The following FHIT variants were observed in gnomAD, a reference collection of about 807,000 sequenced individuals.
FHIT encodes the protein bis(5'-adenosyl)-triphosphatase.
FHIT carries 19 observed loss-of-function variants against 17.9 expected under a neutral mutation model. That is an observed-to-expected ratio of 1.06 (90% CI 0.74 to 1.56). The LOEUF is 1.56. Among genes scored for constraint, FHIT ranks in the 40% most tolerant of loss-of-function variants. The pLI, the probability that FHIT is intolerant of heterozygous loss-of-function variation, is 0.00. For missense variants in FHIT, 248 were observed against 189.2 expected (o/e 1.31, Z -1.82); for synonymous variants, 81 against 69.7 (o/e 1.16, Z -0.81).
intron 3 of FHIT, among the ~76,000 whole-genome samples, chr3:60,914,397 G>A (rs1161646646): frequency 2.0e-5 from 3 of 151,938 alleles, no homozygotes; most frequent in East Asian, 1.9e-4. Context: ...TTAATTAATC[G>A]TGCACACAAT....
intron 5 of FHIT, among the ~76,000 whole-genome samples, chr3:60,226,493 A>AAAACAAAAAAC (rs200934161): frequency 1.1e-4 from 16 of 147,144 alleles, no homozygotes; most frequent in Admixed American, 3.4e-4. Flanking sequence ...AAAAAAAAAA[A>AAAACAAAAAAC]ACACTGCCTG....
At chr3:60,417,644 G>C (rs1044833343) in intron 5 of FHIT, among the ~76,000 whole-genome samples, 12 of 152,184 alleles carry the variant, frequency 7.9e-5, no homozygotes, top group African/African-American at 2.9e-4. Flanking sequence ...GGAGGCAGAT[G>C]ACAGCATCAA....
At chr3:60,271,084 A>AC (rs1706844004) in intron 5 of FHIT, among the ~76,000 whole-genome samples, 1 of 152,100 alleles carries the variant, frequency 6.6e-6, no homozygotes, top group South Asian at 2.1e-4. Flanking sequence ...TCTGCTGCCC[A>AC]CCTTTGAAGT....
At chr3:59,833,047 C>A (rs1701219053) in intron 8 of FHIT, among the ~76,000 whole-genome samples, 1 of 152,170 alleles carries the variant, frequency 6.6e-6, no homozygotes, top group Non-Finnish European at 1.5e-5. Context: ...CAGGTCTCCT[C>A]ACTCTTTTGC....
In FHIT at chr3:60,284,907, T is replaced by C. The variant is rs145824793; in HGVS notation, c.103+251953A>G. On this transcript the variant is annotated intron_variant, in intron 5 of 9. Transcript: ENST00000492590. ...AATTCTCTAAAAGAACATATCTGTG[T>C]TTGGCTTTGCTATATACATTTTGAT... Among the ~76,000 whole-genome samples the C allele has an allele frequency of 1.6e-3, 243 of 152,246 alleles. 2 individuals carry two copies. Among genetic ancestry groups the C allele is most frequent in the Middle Eastern group, 0.014 (4 of 294 alleles).
At chr3:61,222,063 G>A (rs17064657) in intron 1 of FHIT, among the ~76,000 whole-genome samples, 10,922 of 152,264 alleles carry the variant, frequency 0.072, 1,086 homozygotes, top group East Asian at 0.4. Context: ...ACGTCACTGC[G>A]GAGAGGGAGT....
intron 8 of FHIT, among the ~76,000 whole-genome samples, chr3:59,904,165 AT>A: frequency 6.6e-6 from 1 of 151,230 alleles, no homozygotes; most frequent in South Asian, 2.1e-4. Flanking sequence ...AAGAAAAAAA[AT>A]CTCCCTTCCT....
intron 5 of FHIT, among the ~76,000 whole-genome samples, chr3:60,356,922 G>T (rs752821555): frequency 5.3e-5 from 8 of 152,114 alleles, no homozygotes; most frequent in Admixed American, 6.5e-5. Flanking sequence ...TGGGCCAGGT[G>T]CTTTACATGT....
intron 7 of FHIT, among the ~76,000 whole-genome samples, chr3:59,936,227 T>G (rs959092329): frequency 2.6e-5 from 4 of 152,172 alleles, no homozygotes; most frequent in African/African-American, 9.7e-5. Context: ...TACAAATTAT[T>G]TCCAGGGTGC....
intron 2 of FHIT, among the ~76,000 whole-genome samples, chr3:61,155,107 A>G (rs1321776834): frequency 6.6e-6 from 1 of 152,242 alleles, no homozygotes; most frequent in Non-Finnish European, 1.5e-5. Context: ...CCAAGGCAGC[A>G]ATCTACATTT....
chr3:61,023,613 A>G (rs2032576411), intron 3 of FHIT, among the ~76,000 whole-genome samples: 1 of 152,238 alleles, frequency 6.6e-6, no homozygotes, highest in South Asian at 2.1e-4. Context: ...ACAAGATTAC[A>G]GTAACCAAAA....
chr3:60,406,047 A>T (rs1701845051), intron 5 of FHIT, among the ~76,000 whole-genome samples: 2 of 152,248 alleles, frequency 1.3e-5, no homozygotes, highest in South Asian at 4.1e-4. Flanking sequence ...TATTTGTAGT[A>T]ATCATTATTA....
chr3:60,286,588 T>G (rs9879860), intron 5 of FHIT, among the ~76,000 whole-genome samples: 2 of 152,126 alleles, frequency 1.3e-5, no homozygotes, highest in African/African-American at 2.4e-5. Flanking sequence ...ATTTTTTATC[T>G]CAAACAGAGT....
At chr3:60,327,043 G>C (rs943075875) in intron 5 of FHIT, among the ~76,000 whole-genome samples, 1 of 152,140 alleles carries the variant, frequency 6.6e-6, no homozygotes, top group Non-Finnish European at 1.5e-5. Context: ...TCCTCCTCAT[G>C]GAGGTCGTCC....
At chr3:60,094,691 TAACTTGCAGGATTC>T (rs1703866755) in intron 5 of FHIT, among the ~76,000 whole-genome samples, 1 of 152,112 alleles carries the variant, frequency 6.6e-6, no homozygotes, top group Non-Finnish European at 1.5e-5. Context: ...CCTTGATTCC[TAACTTGCAGGATTC>T]ATGTCACCCA....
chr3:60,854,612 T>C (rs1703299965), intron 3 of FHIT, among the ~76,000 whole-genome samples: 1 of 149,498 alleles, frequency 6.7e-6, no homozygotes, highest in Non-Finnish European at 1.5e-5. Context: ...TTCATTGTCA[T>C]AGACGGCTGC....
At chr3:60,728,405 C>T (rs2041959858) in intron 4 of FHIT, among the ~76,000 whole-genome samples, 1 of 152,234 alleles carries the variant, frequency 6.6e-6, no homozygotes, top group East Asian at 1.9e-4. Context: ...CCCTTTCAGA[C>T]AGGTCAAAAC....
At chr3:60,780,397 C>T (rs775697275) in intron 4 of FHIT, among the ~76,000 whole-genome samples, 59 of 152,158 alleles carry the variant, frequency 3.9e-4, no homozygotes, top group Non-Finnish European at 7.1e-4. Context: ...AGAAGCCCAA[C>T]GTGCCAGCAA....
At chr3:61,210,911 G>A (rs148068775) in intron 1 of FHIT, among the ~76,000 whole-genome samples, 32 of 152,050 alleles carry the variant, frequency 2.1e-4, no homozygotes, top group African/African-American at 7.5e-4. Context: ...ACTGGGAGCT[G>A]TAGACTGGAA....
Sources: allele counts gnomAD v4.1 joint callset (sites outside exome capture counted in the v4.1 genomes callset), GRCh38; gene constraint gnomAD v4.1.1; transcripts MANE v1.5; gene names NCBI Gene and HGNC (gene_info 2026-07-23, HGNC 2026-07-21).